The following PLB1 variants were observed in gnomAD, a reference collection of about 807,000 sequenced individuals.
PLB1 encodes the protein phospholipase B1, also known as phospholipase B1, membrane-associated.
Under a neutral mutation model 227.4 loss-of-function variants are expected in PLB1, and 242 were observed. That is an observed-to-expected ratio of 1.06 (90% CI 0.96 to 1.18). The LOEUF (loss-of-function observed/expected upper bound fraction) is 1.18. Among genes scored for constraint, PLB1 ranks in the 50% most tolerant of loss-of-function variants. PLB1 has a pLI of 0.00. For synonymous variants in PLB1, 757 were observed against 682.2 expected, an observed-to-expected ratio of 1.11 and a Z score of -1.71; for missense variants, 1,858 against 1,816.3, an observed-to-expected ratio of 1.02 and a Z score of -0.42.
At chr2:28,616,219 G>T (rs1686183264) in intron 44 of PLB1, among the ~76,000 whole-genome samples, 1 of 152,188 alleles carries the variant, frequency 6.6e-6, no homozygotes, top group African/African-American at 2.4e-5. Flanking sequence ...AGCTAGAACA[G>T]CAGATTTTGA....
chr2:28,640,862 C>T (rs149278320), intron 56 of PLB1, 65 bp from the exon 57 acceptor site: 2 of 1,487,540 alleles, frequency 1.3e-6, no homozygotes, highest in Non-Finnish European at 1.8e-6. Flanking sequence ...TGTGAGACAC[C>T]CCCTCAGAGA....
intron 56 of PLB1, 101 bp from the exon 57 acceptor site, chr2:28,640,826 C>G: frequency 1.6e-6 from 2 of 1,253,768 alleles, no homozygotes; most frequent in Middle Eastern, 2.0e-4. Flanking sequence ...CTATCCCCCA[C>G]CCCGTTCCCG....
intron 10 of PLB1, among the ~76,000 whole-genome samples, chr2:28,538,845 C>T (rs1016295377): frequency 6.6e-6 from 1 of 152,178 alleles, no homozygotes; most frequent in Non-Finnish European, 1.5e-5. Flanking sequence ...GTCTCCCTCC[C>T]CTGTGGACAC....
At position 28,566,847 on chromosome 2, in the gene PLB1, C is replaced by CGCG; in HGVS notation, c.1324+17_1324+19dup. 6.2e-7 allele frequency: 1 copy of CGCG among 1,613,860 alleles called. No homozygotes were observed. Among genetic ancestry groups the CGCG allele is most frequent in the Non-Finnish European group, 8.5e-7 (1 of 1,179,946 alleles). On this transcript the variant is annotated intron_variant, in intron 20 of 57. Coordinates refer to ENST00000327757, the MANE Select transcript of PLB1 (RefSeq NM_153021.5). ...CCGTTACCACCCTGGCGAGTGAGTA[C>CGCG]GCGGCGGCGGCCGGGATGTTTGGTT...
chr2:28,630,950 A>G (rs79343189), intron 54 of PLB1, among the ~76,000 whole-genome samples: 246 of 152,172 alleles, frequency 1.6e-3, no homozygotes, highest in African/African-American at 5.4e-3. Context: ...ACCCAGAGCC[A>G]TGTGTAATAA....
chr2:28,611,259 A>G (rs929845001), intron 43 of PLB1, among the ~76,000 whole-genome samples: 3 of 152,120 alleles, frequency 2.0e-5, no homozygotes, highest in African/African-American at 7.2e-5. Context: ...CCTTTCCCCA[A>G]CCTGTAGATC....
chr2:28,496,169 G>C lies in PLB1; in HGVS notation c.55G>C (p.Gly19Arg). 6.2e-7 allele frequency: 1 copy of C among 1,614,006 alleles called. No individual in the cohort carries two copies. The highest frequency in any genetic ancestry group is 8.5e-7 in the Non-Finnish European group (1 of 1,179,892). The change falls in exon 1 of 58, where the codon GGG becomes CGG. Residue 19 changes from glycine (G) to arginine (R), a missense_variant and splice_region_variant. Gly to Arg is a moderately radical substitution (Grantham distance 125). Transcript: ENST00000327757. ...GGAGCTGCTGCTGCTTCTGGGGCAAGGTAAGCGTGCCTTTTGCTCAGAGGA... is the reference window on the plus strand; with the variant it reads ...GGAGCTGCTGCTGCTTCTGGGGCAACGTAAGCGTGCCTTTTGCTCAGAGGA... Reference protein sequence around the residue: ...LLELLLLLGQGTPQIHTSPRK... With the variant: ...LLELLLLLGQRTPQIHTSPRK...
chr2:28,517,078 G>T (rs1157533210), intron 2 of PLB1, among the ~76,000 whole-genome samples: 1 of 152,184 alleles, frequency 6.6e-6, no homozygotes, highest in African/African-American at 2.4e-5. Context: ...CATCCCTGCA[G>T]ACTGAATGGG....
chr2:28,533,292 G>T (rs1169519164), intron 9 of PLB1, among the ~76,000 whole-genome samples: 1 of 152,154 alleles, frequency 6.6e-6, no homozygotes, highest in Non-Finnish European at 1.5e-5. Flanking sequence ...CAATATTCCT[G>T]TAGCCTTCCT....
chr2:28,508,230 G>A (rs918154483), intron 1 of PLB1, among the ~76,000 whole-genome samples: 1 of 152,176 alleles, frequency 6.6e-6, no homozygotes, highest in Admixed American at 6.5e-5. Flanking sequence ...GCCTTTGGCA[G>A]GTTTGCTAGC....
At chr2:28,592,106 C>T (rs1682059567) in intron 31 of PLB1, among the ~76,000 whole-genome samples, 1 of 152,176 alleles carries the variant, frequency 6.6e-6, no homozygotes, top group Non-Finnish European at 1.5e-5. Context: ...CTAGGCTCTG[C>T]AATCACTGCC....
At chr2:28,591,584 C>A in intron 30 of PLB1, 116 bp from the exon 31 acceptor site, 1 of 1,078,540 alleles carries the variant, frequency 9.3e-7, no homozygotes, top group South Asian at 1.5e-5. Context: ...TGAGGCCCCT[C>A]CCTAGGAGTA....
chr2:28,510,449 T>C (rs1668101030), intron 1 of PLB1, among the ~76,000 whole-genome samples: 1 of 152,070 alleles, frequency 6.6e-6, no homozygotes, highest in Non-Finnish European at 1.5e-5. Context: ...TAGTCCTGGT[T>C]TGAGAGCCAC....
chr2:28,582,368 C>G, intron 24 of PLB1, 37 bp from the exon 25 acceptor site: 1 of 1,576,462 alleles, frequency 6.3e-7, no homozygotes, highest in Non-Finnish European at 8.7e-7. Context: ...GGCTGCCCAG[C>G]CTCATCCTCT....
intron 21 of PLB1, among the ~76,000 whole-genome samples, chr2:28,576,131 C>G (rs575501834): frequency 5.3e-5 from 8 of 152,206 alleles, no homozygotes; most frequent in Admixed American, 1.3e-4. Flanking sequence ...CCTTGGGGCT[C>G]TTTCATGCAA....
intron 19 of PLB1, 71 bp from the exon 20 acceptor site, chr2:28,566,725 C>A: frequency 1.3e-6 from 2 of 1,544,970 alleles, no homozygotes; most frequent in Non-Finnish European, 1.8e-6. Context: ...GCGTTTCTGG[C>A]TAGTGTCTGA....
chr2:28,538,993 A>G, intron 10 of PLB1, 106 bp from the exon 11 acceptor site: 1 of 864,918 alleles, frequency 1.2e-6, no homozygotes, highest in Non-Finnish European at 2.0e-6. Context: ...GGGGAGGCCC[A>G]TCACACTCAA....
chr2:28,565,791 T>A (rs1676785488), intron 19 of PLB1, among the ~76,000 whole-genome samples: 1 of 152,206 alleles, frequency 6.6e-6, no homozygotes, highest in South Asian at 2.1e-4. Context: ...GCAGAAATAA[T>A]GCTACTACCT....
intron 35 of PLB1, among the ~76,000 whole-genome samples, chr2:28,599,683 C>T (rs1683556635): frequency 6.6e-6 from 1 of 152,214 alleles, no homozygotes; most frequent in Admixed American, 6.5e-5. Flanking sequence ...GTGGCACAAT[C>T]TCTGCTCACG....
Sources: gnomAD v4.1 joint callset for allele counts (sites outside exome capture counted in the v4.1 genomes callset) on GRCh38, gnomAD v4.1.1 for gene constraint, MANE v1.5 for transcripts, NCBI Gene and HGNC (gene_info 2026-07-23, HGNC 2026-07-21) for gene names.